OR4K2: variants seen among roughly 807,000 people sequenced by gnomAD.
OR4K2 encodes olfactory receptor family 4 subfamily K member 2, also known as olfactory receptor 4K2.
A neutral mutation model predicts 10.5 loss-of-function variants in OR4K2; 8 were observed. The ratio of observed to expected loss-of-function variants is 0.76; its 90% CI spans 0.45 to 1.37. OR4K2 has a LOEUF of 1.37. OR4K2 is among the 40% of genes most tolerant of loss of function. The pLI is 0.00. For synonymous variants in OR4K2, 178 were observed against 133.6 expected (o/e 1.33, Z -2.29); for missense variants, 547 against 379.5 (o/e 1.44, Z -3.67).
rs1810378623 is a variant in OR4K2, at chr14:19,879,841, T to G, written c.*2629T>G. The G allele has an allele frequency of 6.6e-6, 1 of 152,262 alleles. No homozygotes were observed. The highest frequency in any genetic ancestry group is 1.5e-5 in the Non-Finnish European group (1 of 68,048). 9.4% of individuals were successfully genotyped at this position (152,262 alleles called of 1,614,324 possible). On this transcript the variant is annotated 3_prime_UTR_variant, in exon 2 of 2. Coordinates refer to ENST00000641885, the MANE Select transcript of OR4K2 (RefSeq NM_001005501.2). ...AAAGCTTAGGTTTTATAACTCCTCC[T>G]TTGCATGGATTTCCTCGAAGGCCCT...
In OR4K2 at chr14:19,878,775, T is replaced by C. The variant is rs1248062866; in HGVS notation, c.*1563T>C. 1 of 152,250 alleles carries C rather than the reference T, an allele frequency of 6.6e-6. No homozygotes were observed. The highest frequency in any genetic ancestry group is 2.4e-5 in the African/African-American group (1 of 41,470). 9.4% of individuals were successfully genotyped at this position (152,250 alleles called of 1,614,324 possible). On this transcript the variant is annotated 3_prime_UTR_variant, in exon 2 of 2. Transcript: ENST00000641885. ...AAGATTAGCATAATTCTATTTTAAA[T>C]AGGGATACAAATAGGCCAATTTAGG...
rs1881086323 is a variant in OR4K2 at position 19,883,386 on chromosome 14, T to G, written c.*6174T>G. ...ACCCTATTCTCTGAATTCTGGCGTGTTGGCAAGTTTCTTTGAAACATTTAT... is the reference window on the plus strand; with the variant it reads ...ACCCTATTCTCTGAATTCTGGCGTGGTGGCAAGTTTCTTTGAAACATTTAT... On this transcript the variant is annotated 3_prime_UTR_variant, in exon 2 of 2. Coordinates refer to ENST00000641885, the MANE Select transcript of OR4K2 (RefSeq NM_001005501.2). 1 of 152,272 alleles carries G rather than the reference T, an allele frequency of 6.6e-6. No homozygotes were observed. The highest frequency in any genetic ancestry group is 2.4e-5 in the African/African-American group (1 of 41,468). The allele number at this position is 152,272 out of a possible 1,614,324, so 9.4% of individuals were successfully genotyped here. A position where few individuals can be genotyped will look rare whatever the true frequency, so the allele number is the denominator to read the frequency against.
In OR4K2 at chr14:19,877,135, A is replaced by G; in HGVS notation, c.868A>G (p.Arg290Gly). 3.7e-6 allele frequency: 6 copies of G among 1,604,876 alleles called. No homozygotes were observed. The highest frequency in any genetic ancestry group is 5.1e-6 in the Non-Finnish European group (6 of 1,179,716). ...TCTGAACCCAATAATCTATACTTTG[A>G]GGAATCAAGAAGTAAAGATAGCCAT... ...PTLNPIIYTL[R>G]NQEVKIAMRK... Residue 290 changes from arginine to glycine, a missense_variant, in exon 2 of 2, where the codon AGG becomes GGG. By Grantham distance (125) the Arg-to-Gly change is moderately radical. Transcript: ENST00000641885.
In OR4K2 at chr14:19,882,972, C is replaced by G. The variant is rs937125115; in HGVS notation, c.*5760C>G. ...CCTCCTGAGTAGCTGGGACTACAGG[C>G]GCCCGCCACCACGCCCAGCTAATTT... On this transcript the variant is annotated 3_prime_UTR_variant, in exon 2 of 2. Transcript: ENST00000641885. 3.3e-5 allele frequency: 5 copies of G among 152,430 alleles called. No homozygotes were observed. The highest frequency in any genetic ancestry group is 5.9e-5 in the Non-Finnish European group (4 of 68,354). 9.4% of individuals were successfully genotyped at this position (152,430 alleles called of 1,614,324 possible). A position where few individuals can be genotyped will look rare whatever the true frequency, so the allele number is the denominator to read the frequency against.
At position 19,877,029 on chromosome 14, in the gene OR4K2, C is replaced by G. The variant is rs1594427342; in HGVS notation, c.762C>G (p.Cys254Trp). Residue 254 changes from cysteine (C) to tryptophan (W), a missense_variant, in exon 2 of 2, where the codon TGC becomes TGG. Transcript: ENST00000641885. ...FIVVFLFFGP[C>W]IFIYMWPLSS... ...TTGTCTTCTTGTTCTTTGGGCCATG[C>G]ATCTTCATCTACATGTGGCCACTAA... is the stretch of plus-strand genomic sequence containing the variant. 3 of 1,613,268 alleles carry G rather than the reference C, an allele frequency of 1.9e-6. No homozygotes were observed. The highest frequency in any genetic ancestry group is 1.7e-5 in the Admixed American group (1 of 59,962).
In OR4K2 at chr14:19,875,241, G is replaced by C. The variant is rs566051641; in HGVS notation, c.-917G>C. On this transcript the variant is annotated 5_prime_UTR_variant, in exon 1 of 2. Transcript: ENST00000641885. ...AATTGCCTTCGATGCTCTGTCAGAA[G>C]CCTACTTAACACTGAATAATCTAAA... 1.3e-5 allele frequency: 2 copies of C among 152,356 alleles called. No homozygotes were observed. The highest frequency in any genetic ancestry group is 1.3e-4 in the Admixed American group (2 of 15,304). 9.4% of individuals were successfully genotyped at this position (152,356 alleles called of 1,614,324 possible).
chr14:19,876,153 TA>T lies in OR4K2; in HGVS notation c.-24+23del. Reference sequence around the variant, plus strand: ...AGTCAAGGTAAGTTTTATGAGAAGATAAAATTTCTGAAAGTAGATAATTGGA... The same window carrying T: ...AGTCAAGGTAAGTTTTATGAGAAGATAAATTTCTGAAAGTAGATAATTGGA... On this transcript the variant is annotated intron_variant, in intron 1 of 1. Transcript: ENST00000641885. The T allele has an allele frequency of 1.1e-6, 1 of 893,756 alleles. No homozygotes were observed. The highest frequency in any genetic ancestry group is 1.7e-6 in the Non-Finnish European group (1 of 589,438). 55.4% of individuals were successfully genotyped at this position (893,756 alleles called of 1,614,324 possible). A position where few individuals can be genotyped will look rare whatever the true frequency, so the allele number is the denominator to read the frequency against.
Position 19,877,828 on chromosome 14 carries a change from T to C in OR4K2, c.*616T>C, listed in dbSNP as rs1456652290. 2 of 152,544 alleles carry C rather than the reference T, an allele frequency of 1.3e-5. No individual in the cohort carries two copies. The highest frequency in any genetic ancestry group is 3.8e-4 in the East Asian group (2 of 5,210). The allele number at this position is 152,544 out of a possible 1,614,324, so 9.4% of individuals were successfully genotyped here. A position where few individuals can be genotyped will look rare whatever the true frequency, so the allele number is the denominator to read the frequency against. On this transcript the variant is annotated 3_prime_UTR_variant, in exon 2 of 2. Transcript: ENST00000641885. The stretch of plus-strand genomic sequence containing the variant: ...CACTTTTAGTTCATCATCAAAGCAA[T>C]ACAGTCATGATATTTCTTTCTGATA...
In OR4K2 at chr14:19,881,009, C is replaced by T. The variant is rs4983279; in HGVS notation, c.*3797C>T. The T allele has an allele frequency of 0.38, 53,900 of 142,172 alleles. 7,344 individuals are homozygous for T. The highest frequency in any genetic ancestry group is 0.48 in the Non-Finnish European group (31,313 of 65,510). 8.8% of individuals were successfully genotyped at this position (142,172 alleles called of 1,614,324 possible). On this transcript the variant is annotated 3_prime_UTR_variant, in exon 2 of 2. Transcript: ENST00000641885. ...CTGTTATTTGTGCATATCCAGACTC[C>T]TTATGAAAGTATTTTCAAATTTAAA...
chr14:19,878,318 ACATT>A lies in OR4K2; in HGVS notation c.*1110_*1113del, dbSNP rs1261885005. 2 of 152,210 alleles carry A rather than the reference ACATT, an allele frequency of 1.3e-5. No individual in the cohort carries two copies. The highest frequency in any genetic ancestry group is 1.3e-4 in the Admixed American group (2 of 15,278). The allele number at this position is 152,210 out of a possible 1,614,324, so 9.4% of individuals were successfully genotyped here. On this transcript the variant is annotated 3_prime_UTR_variant, in exon 2 of 2. Coordinates refer to ENST00000641885, the MANE Select transcript of OR4K2 (RefSeq NM_001005501.2). ...GCAAATCATCTTTAAATGATGGCAAACATTCATGAGTTAACTCTTATTTAGAATT... is the reference window on the plus strand; with the variant it reads ...GCAAATCATCTTTAAATGATGGCAAACATGAGTTAACTCTTATTTAGAATT...
chr14:19,877,137 G>C lies in OR4K2; in HGVS notation c.870G>C (p.Arg290Ser). Residue 290 changes from arginine to serine, a missense_variant, in exon 2 of 2, where the codon AGG becomes AGC. Coordinates refer to ENST00000641885, the MANE Select transcript of OR4K2 (RefSeq NM_001005501.2). ...PTLNPIIYTLRNQEVKIAMRK... is the reference protein window; with the variant it reads ...PTLNPIIYTLSNQEVKIAMRK... Reference sequence around the variant, plus strand: ...TGAACCCAATAATCTATACTTTGAGGAATCAAGAAGTAAAGATAGCCATGA... The same window carrying C: ...TGAACCCAATAATCTATACTTTGAGCAATCAAGAAGTAAAGATAGCCATGA... The C allele has an allele frequency of 6.2e-7, 1 of 1,604,424 alleles. No homozygotes were observed. The highest frequency in any genetic ancestry group is 8.5e-7 in the Non-Finnish European group (1 of 1,179,678).
At position 19,876,306 on chromosome 14, in the gene OR4K2, T is replaced by A. The variant is rs1350634802; in HGVS notation, c.39T>A (p.Val13=). The change falls in exon 2 of 2, where the codon GTT becomes GTA. Residue 13 remains valine (V), a synonymous_variant. Transcript: ENST00000641885. ...VGNKSTMSEF[V]LLGLSNSWEL... ...ATAAGTCTACCATGTCTGAATTTGT[T>A]TTGCTGGGGCTCTCTAATTCCTGGG... The A allele has an allele frequency of 6.2e-7, 1 of 1,613,706 alleles. No homozygotes were observed. The highest frequency in any genetic ancestry group is 8.5e-7 in the Non-Finnish European group (1 of 1,179,852).
chr14:19,877,272 C>A lies in OR4K2; in HGVS notation c.*60C>A, dbSNP rs996765658. On this transcript the variant is annotated 3_prime_UTR_variant, in exon 2 of 2. Transcript: ENST00000641885. Reference sequence around the variant, plus strand: ...GTTAGGCTTTTCTTTCTAGAGGGTTCTTACCAAATTGTAATTGCCAAGAAT... The same window carrying A: ...GTTAGGCTTTTCTTTCTAGAGGGTTATTACCAAATTGTAATTGCCAAGAAT... The A allele has an allele frequency of 4.9e-6, 6 of 1,222,534 alleles. No homozygotes were observed. In the African/African-American group the frequency reaches 6.1e-5, roughly 12 times the overall value. 75.7% of individuals were successfully genotyped at this position (1,222,534 alleles called of 1,614,324 possible). A position where few individuals can be genotyped will look rare whatever the true frequency, so the allele number is the denominator to read the frequency against.
chr14:19,876,650 A>C lies in OR4K2; in HGVS notation c.383A>C (p.Lys128Thr). Reference sequence around the variant, plus strand: ...TTTGATAGGTATATTGCAATATGCAAGCCCCTGCACTATGCTTCTGTCATT... The same window carrying C: ...TTTGATAGGTATATTGCAATATGCACGCCCCTGCACTATGCTTCTGTCATT... ...MSFDRYIAIC[K>T]PLHYASVISP... Residue 128 changes from lysine to threonine, a missense_variant, in exon 2 of 2, where the codon AAG (lysine) becomes ACG (threonine). By Grantham distance (78) the Lys-to-Thr change is moderately conservative (BLOSUM62 -1). Coordinates refer to ENST00000641885, the MANE Select transcript of OR4K2 (RefSeq NM_001005501.2). The C allele has an allele frequency of 6.2e-7, 1 of 1,614,176 alleles. No individual in the cohort carries two copies. The highest frequency in any genetic ancestry group is 8.5e-7 in the Non-Finnish European group (1 of 1,180,004).
In OR4K2 at chr14:19,877,458, T is replaced by C. The variant is rs187883771; in HGVS notation, c.*246T>C. 4.0e-5 allele frequency: 15 copies of C among 376,346 alleles called. No individual in the cohort carries two copies. The Admixed American group carries it at 4.0e-4, about 10-fold the overall frequency. The allele number at this position is 376,346 out of a possible 1,614,324, so 23.3% of individuals were successfully genotyped here. On this transcript the variant is annotated 3_prime_UTR_variant, in exon 2 of 2. Coordinates refer to ENST00000641885, the MANE Select transcript of OR4K2 (RefSeq NM_001005501.2). ...TAGGACATTCAATATCAATAATCAA[T>C]TTATTGGAAAAGAGGACCAAGGAAT...
rs1195624493 is a variant in OR4K2, at chr14:19,882,560, C to G, written c.*5348C>G. 1 of 152,198 alleles carries G rather than the reference C, an allele frequency of 6.6e-6. No individual in the cohort carries two copies. The highest frequency in any genetic ancestry group is 1.5e-5 in the Non-Finnish European group (1 of 68,032). 9.4% of individuals were successfully genotyped at this position (152,198 alleles called of 1,614,324 possible). On this transcript the variant is annotated 3_prime_UTR_variant, in exon 2 of 2. Coordinates refer to ENST00000641885, the MANE Select transcript of OR4K2 (RefSeq NM_001005501.2). ...ACCATTATAATCACATTTCAAGTCA[C>G]AAAATAGAACTTCGCCAGCCACCCC...
chr14:19,883,833 T>A lies in OR4K2; in HGVS notation c.*6621T>A, dbSNP rs1279285398. ...ATACCTCTCTTGCAGCTCAATTGCT[T>A]TTTAAATAAAATAAATTTGAATCCC... is the stretch of plus-strand genomic sequence containing the variant. On this transcript the variant is annotated 3_prime_UTR_variant, in exon 2 of 2. Transcript: ENST00000641885. 2 of 152,270 alleles carry A rather than the reference T, an allele frequency of 1.3e-5. No homozygotes were observed. The highest frequency in any genetic ancestry group is 2.9e-5 in the Non-Finnish European group (2 of 68,048). The allele number at this position is 152,270 out of a possible 1,614,324, so 9.4% of individuals were successfully genotyped here. A position where few individuals can be genotyped will look rare whatever the true frequency, so the allele number is the denominator to read the frequency against.
rs1003648087 is a variant in OR4K2, at chr14:19,883,636, A to C, written c.*6424A>C. On this transcript the variant is annotated 3_prime_UTR_variant, in exon 2 of 2. Coordinates refer to ENST00000641885, the MANE Select transcript of OR4K2 (RefSeq NM_001005501.2). ...ATTAGTAGTTAAATAATTAAATAGTAGTTAAAGTAATTAAATAGGACTCTA... is the reference window on the plus strand; with the variant it reads ...ATTAGTAGTTAAATAATTAAATAGTCGTTAAAGTAATTAAATAGGACTCTA... The C allele has an allele frequency of 6.6e-6, 1 of 152,236 alleles. No individual in the cohort carries two copies. Among genetic ancestry groups the C allele is most frequent in the Non-Finnish European group, 1.5e-5 (1 of 68,036 alleles). The allele number at this position is 152,236 out of a possible 1,614,324, so 9.4% of individuals were successfully genotyped here.
In OR4K2 at chr14:19,883,864, G is replaced by T. The variant is rs986364029; in HGVS notation, c.*6652G>T. On this transcript the variant is annotated 3_prime_UTR_variant, in exon 2 of 2. Coordinates refer to ENST00000641885, the MANE Select transcript of OR4K2 (RefSeq NM_001005501.2). ...ATAAAATAAATTTGAATCCCTGTTTGTACCTGGAGACCGTTTTGATCTGCC... is the reference window on the plus strand; with the variant it reads ...ATAAAATAAATTTGAATCCCTGTTTTTACCTGGAGACCGTTTTGATCTGCC... 6.6e-6 allele frequency: 1 copy of T among 152,310 alleles called. No homozygotes were observed. The highest frequency in any genetic ancestry group is 1.9e-4 in the East Asian group (1 of 5,184). 9.4% of individuals were successfully genotyped at this position (152,310 alleles called of 1,614,324 possible).
Sources: allele counts gnomAD v4.1 joint callset, GRCh38; gene constraint gnomAD v4.1.1; transcripts MANE v1.5; gene names NCBI Gene and HGNC (gene_info 2026-07-23, HGNC 2026-07-21).